Variants in GALNT13 observed in about 807,000 individuals in gnomAD.
GALNT13 encodes the protein polypeptide N-acetylgalactosaminyltransferase 13, also known as UDP-GalNAc:polypeptide N-acetylgalactosaminyltransferase 13.
GALNT13 carries 28 observed loss-of-function variants against 64.2 expected under a neutral mutation model. That is an observed-to-expected ratio of 0.44 (90% CI 0.32 to 0.60). The LOEUF is 0.60. Among genes scored for constraint, GALNT13 ranks in the 20% least tolerant of loss-of-function variants. The pLI, the probability that GALNT13 is intolerant of heterozygous loss-of-function variation, is 0.05. For missense variants in GALNT13, 577 were observed against 669.8 expected (o/e 0.86, Z 1.53); for synonymous variants, 214 against 224.6 (o/e 0.95, Z 0.42).
the GALNT13 span, among the ~76,000 whole-genome samples, chr2:153,564,210 T>TA: frequency 3.9e-5 from 6 of 151,928 alleles, no homozygotes; most frequent in Admixed American, 3.3e-4. Context: ...ATATTTTTTT[T>TA]ACTATTCTTC....
the GALNT13 span, chr2:153,478,018 T>C: frequency 1.8e-6 from 1 of 563,508 alleles, no homozygotes. Context: ...TGCCACTTTC[T>C]GCTGAGTTCA....
intron 3 of GALNT13, among the ~76,000 whole-genome samples, chr2:153,997,503 T>C (rs1270279873): frequency 2.0e-5 from 3 of 151,974 alleles, no homozygotes; most frequent in Admixed American, 1.3e-4. Context: ...AAAATGCTTC[T>C]AGATTTTCTG....
rs1433253682 is a variant in GALNT13 at position 154,453,814 on chromosome 2, A to G, written c.*3263A>G. 1 of 152,208 alleles carries G rather than the reference A, an allele frequency of 6.6e-6. No individual in the cohort carries two copies. Among genetic ancestry groups the G allele is most frequent in the Non-Finnish European group, 1.5e-5 (1 of 68,034 alleles). 9.4% of individuals were successfully genotyped at this position (152,208 alleles called of 1,614,324 possible). A position where few individuals can be genotyped will look rare whatever the true frequency, so the allele number is the denominator to read the frequency against. ...CTTTTTTTGTATTTTAAATTTTAAA[A>G]TAAAGGCTAATATATTTAGACAGGA... On this transcript the variant is annotated 3_prime_UTR_variant, in exon 13 of 13. Transcript: ENST00000392825.
chr2:154,104,092 G>A (rs1030402378), intron 3 of GALNT13, among the ~76,000 whole-genome samples: 7 of 151,932 alleles, frequency 4.6e-5, no homozygotes, highest in African/African-American at 1.5e-4. Context: ...GGGTGCAGAC[G>A]GACACATGAT....
the GALNT13 span, among the ~76,000 whole-genome samples, chr2:153,154,013 T>C: frequency 6.7e-6 from 1 of 149,838 alleles, no homozygotes; most frequent in Admixed American, 6.6e-5. Context: ...TGATATTGAT[T>C]ATTCCTATCC....
chr2:154,060,398 C>T (rs1162908535), intron 3 of GALNT13, among the ~76,000 whole-genome samples: 1 of 152,044 alleles, frequency 6.6e-6, no homozygotes, highest in African/African-American at 2.4e-5. Flanking sequence ...CTCTGTTGCC[C>T]AGGCTGGAGT....
intron 3 of GALNT13, among the ~76,000 whole-genome samples, chr2:153,983,217 T>A (rs1238604524): frequency 6.6e-6 from 1 of 151,910 alleles, no homozygotes; most frequent in Non-Finnish European, 1.5e-5. Context: ...GTTATTTTAA[T>A]CTTTATGAAT....
At chr2:153,373,666 C>G in the GALNT13 span, among the ~76,000 whole-genome samples, 1 of 152,160 alleles carries the variant, frequency 6.6e-6, no homozygotes, top group African/African-American at 2.4e-5. Context: ...TGATCATTAA[C>G]CACCATTCAT....
the GALNT13 span, among the ~76,000 whole-genome samples, chr2:153,079,341 G>T: frequency 6.6e-6 from 1 of 152,172 alleles, no homozygotes; most frequent in Non-Finnish European, 1.5e-5. Context: ...CAATCCAGGG[G>T]ATACCAAACC....
At chr2:154,330,773 A>G (rs912393396) in intron 9 of GALNT13, among the ~76,000 whole-genome samples, 3 of 152,270 alleles carry the variant, frequency 2.0e-5, no homozygotes, top group Admixed American at 1.3e-4. Flanking sequence ...GCTGTCTAAT[A>G]TAGTGAACCT....
At chr2:153,113,291 C>T in the GALNT13 span, among the ~76,000 whole-genome samples, 1 of 151,962 alleles carries the variant, frequency 6.6e-6, no homozygotes, top group Admixed American at 6.6e-5. Context: ...GCTTTTAACT[C>T]TCTGTACTCT....
chr2:154,321,210 A>T (rs1468717340), intron 9 of GALNT13, among the ~76,000 whole-genome samples: 4 of 152,156 alleles, frequency 2.6e-5, no homozygotes, highest in Admixed American at 6.6e-5. Flanking sequence ...TTCAGGGGTC[A>T]GCCTGGCTAC....
At chr2:154,407,283 T>C (rs992701090) in intron 10 of GALNT13, among the ~76,000 whole-genome samples, 2 of 152,138 alleles carry the variant, frequency 1.3e-5, no homozygotes, top group Non-Finnish European at 2.9e-5. Flanking sequence ...ATAATGGCAT[T>C]ATACTGTCCT....
chr2:153,961,388 C>G (rs1692931962), intron 3 of GALNT13, among the ~76,000 whole-genome samples: 1 of 152,092 alleles, frequency 6.6e-6, no homozygotes, highest in Non-Finnish European at 1.5e-5. Context: ...TATTGAACAG[C>G]ATATTCTATG....
chr2:153,107,261 G>A, the GALNT13 span, among the ~76,000 whole-genome samples: 1 of 152,144 alleles, frequency 6.6e-6, no homozygotes, highest in Non-Finnish European at 1.5e-5. Context: ...ACAATGTCCA[G>A]TTGAACAATC....
chr2:153,570,357 A>C, the GALNT13 span, among the ~76,000 whole-genome samples: 1 of 152,164 alleles, frequency 6.6e-6, no homozygotes, highest in African/African-American at 2.4e-5. Context: ...ATCCCTTGTC[A>C]GATGGATGGT....
intron 4 of GALNT13, among the ~76,000 whole-genome samples, chr2:154,154,734 T>C (rs1038448980): frequency 6.6e-6 from 1 of 152,148 alleles, no homozygotes; most frequent in African/African-American, 2.4e-5. Context: ...AATTTTCAAC[T>C]TTATTTGTAT....
At chr2:153,950,676 T>G (rs1490361686) in intron 3 of GALNT13, among the ~76,000 whole-genome samples, 1 of 152,102 alleles carries the variant, frequency 6.6e-6, no homozygotes, top group African/African-American at 2.4e-5. Context: ...AAAAGTTGAT[T>G]AATAAATGTT....
chr2:153,966,324 T>G (rs1034121213), intron 3 of GALNT13, among the ~76,000 whole-genome samples: 3 of 151,400 alleles, frequency 2.0e-5, no homozygotes, highest in African/African-American at 7.3e-5. Context: ...TGTATAAAAG[T>G]TTCTTAATAT....
Sources: allele counts gnomAD v4.1 joint callset (sites outside exome capture counted in the v4.1 genomes callset), GRCh38; gene constraint gnomAD v4.1.1; transcripts MANE v1.5; gene names NCBI Gene and HGNC (gene_info 2026-07-23, HGNC 2026-07-21).